Variants in KLHDC4 observed in about 807,000 individuals in gnomAD.
KLHDC4 encodes the protein kelch domain containing 4, also known as kelch domain-containing protein 4.
Under a neutral mutation model 62.4 loss-of-function variants are expected in KLHDC4, and 90 were observed. The ratio of observed to expected loss-of-function variants is 1.44; its 90% confidence interval spans 1.22 to 1.72. The LOEUF (loss-of-function observed/expected upper bound fraction) is 1.72. Among genes scored for constraint, KLHDC4 ranks in the 40% most tolerant of loss-of-function variants. KLHDC4 has a pLI of 0.00. For missense variants in KLHDC4, 1,025 were observed against 699.7 expected (o/e 1.47, Z -5.25); for synonymous variants, 386 against 284.4 (o/e 1.36, Z -3.59).
intron 5 of KLHDC4, among the ~76,000 whole-genome samples, chr16:87,746,811 A>G (rs2043107495): frequency 6.6e-6 from 1 of 152,246 alleles, no homozygotes; most frequent in Non-Finnish European, 1.5e-5. Context: ...CTATTAAAAA[A>G]AGTCTAATAG....
intron 5 of KLHDC4, among the ~76,000 whole-genome samples, chr16:87,741,443 G>A (rs12596601): frequency 6.6e-6 from 1 of 152,178 alleles, no homozygotes; most frequent in African/African-American, 2.4e-5. Flanking sequence ...TGAGAACCCT[G>A]TTGTGGGCTG....
At chr16:87,754,598 A>G (rs1169277456) in intron 4 of KLHDC4, among the ~76,000 whole-genome samples, 1 of 152,162 alleles carries the variant, frequency 6.6e-6, no homozygotes, top group Non-Finnish European at 1.5e-5. Flanking sequence ...AGAGGCAGGC[A>G]CTCATTCAAA....
At position 87,726,876 on chromosome 16, in the gene KLHDC4, G is replaced by T. The variant is rs1395398338; in HGVS notation, c.648C>A (p.Phe216Leu). The change falls in exon 7 of 12, where the codon TTC (phenylalanine) becomes TTA (leucine). Residue 216 changes from phenylalanine (F) to leucine (L), a missense_variant. Transcript: ENST00000270583. Reference sequence around the variant, plus strand: ...CTGACGGGGACAGCTTGCTCCATGTGAAGGTGTCCAGATTAAAGGCATACA... The same window carrying T: ...CTGACGGGGACAGCTTGCTCCATGTTAAGGTGTCCAGATTAAAGGCATACA... Reference protein sequence around the residue: ...NDVYAFNLDTFTWSKLSPSGT... With the variant: ...NDVYAFNLDTLTWSKLSPSGT... 10 of 1,613,916 alleles carry T rather than the reference G, an allele frequency of 6.2e-6. No individual in the cohort carries two copies. The highest frequency in any genetic ancestry group is 8.5e-6 in the Non-Finnish European group (10 of 1,179,900).
At chr16:87,749,763 A>G (rs904834156) in intron 4 of KLHDC4, among the ~76,000 whole-genome samples, 2 of 151,990 alleles carry the variant, frequency 1.3e-5, no homozygotes, top group Non-Finnish European at 2.9e-5. Context: ...AATTTTTTGC[A>G]GCAATGGCGT....
intron 9 of KLHDC4, chr16:87,710,488 G>A (rs944415962): frequency 6.6e-6 from 1 of 152,220 alleles, no homozygotes; most frequent in Admixed American, 6.5e-5. Flanking sequence ...TAATCCTGGG[G>A]AATGTCAACG....
chr16:87,708,715 C>G (rs939453639), intron 10 of KLHDC4, among the ~76,000 whole-genome samples: 4 of 152,238 alleles, frequency 2.6e-5, no homozygotes, highest in African/African-American at 9.6e-5. Context: ...GGCTGGCCAA[C>G]GGGGCCTCCT....
At chr16:87,709,143 C>T (rs2035261043) in intron 10 of KLHDC4, 122 bp downstream of exon 10, 10 of 1,260,718 alleles carry the variant, frequency 7.9e-6, no homozygotes, top group African/African-American at 6.0e-5. Flanking sequence ...GGCAGGAGCA[C>T]AGGCGAGAAG....
intron 2 of KLHDC4, 63 bp from the exon 3 acceptor site, chr16:87,756,540 C>G: frequency 8.4e-7 from 1 of 1,185,550 alleles, no homozygotes; most frequent in East Asian, 2.4e-5. Context: ...AGCGCTGTCC[C>G]CTTCCTCACA....
intron 8 of KLHDC4, among the ~76,000 whole-genome samples, chr16:87,712,545 G>C (rs561019596): frequency 3.3e-5 from 5 of 152,238 alleles, no homozygotes; most frequent in Non-Finnish European, 7.3e-5. Flanking sequence ...ACAGGCTCAG[G>C]GCCGCCCTGC....
rs1002440351 is a variant in KLHDC4 at position 87,765,934 on chromosome 16, G to C, written c.-44C>G. The C allele has an allele frequency of 4.6e-6, 7 of 1,530,288 alleles. No homozygotes were observed. The African/African-American group carries it at 5.5e-5, about 12-fold the overall frequency. 94.8% of individuals were successfully genotyped at this position (1,530,288 alleles called of 1,614,324 possible). A position where few individuals can be genotyped will look rare whatever the true frequency, so the allele number is the denominator to read the frequency against. On this transcript the variant is annotated 5_prime_UTR_variant, in exon 1 of 12. Coordinates refer to ENST00000270583, the MANE Select transcript of KLHDC4 (RefSeq NM_017566.4). ...GCGACGGGACACCAGGAAAGAAAAC[G>C]GCCCGCGCTCTCCGCTCGGAAACAG...
intron 10 of KLHDC4, among the ~76,000 whole-genome samples, 153 bp downstream of exon 10, chr16:87,709,112 C>G (rs1449425438): frequency 6.6e-6 from 1 of 152,266 alleles, no homozygotes; most frequent in African/African-American, 2.4e-5. Flanking sequence ...GGGTCCTGTT[C>G]TCCGTCAATC....
intron 4 of KLHDC4, among the ~76,000 whole-genome samples, chr16:87,752,796 G>A (rs904704298): frequency 2.0e-5 from 3 of 152,182 alleles, no homozygotes; most frequent in African/African-American, 7.2e-5. Context: ...AAATAAATAT[G>A]ACTCAAGGGA....
chr16:87,711,303 C>G lies in KLHDC4; in HGVS notation c.976G>C (p.Gly326Arg). The G allele has an allele frequency of 6.2e-7, 1 of 1,614,122 alleles. No homozygotes were observed. Among genetic ancestry groups the G allele is most frequent in the Non-Finnish European group, 8.5e-7 (1 of 1,180,048 alleles). ...CDEEEEESLS[G>R]EFFNDLYFYD... The stretch of plus-strand genomic sequence containing the variant: ...AAGTACAGATCGTTGAAGAACTCGC[C>G]CGACAGGCTCTCCTCCTCTTCCTCG... Residue 326 changes from glycine to arginine, a missense_variant, in exon 9 of 12, where the codon GGC becomes CGC. Physicochemically the swap from Gly to Arg is moderately radical, Grantham distance 125 (BLOSUM62 -2). Coordinates refer to ENST00000270583, the MANE Select transcript of KLHDC4 (RefSeq NM_017566.4).
chr16:87,711,978 G>A (rs185891638), intron 8 of KLHDC4, among the ~76,000 whole-genome samples: 5 of 150,566 alleles, frequency 3.3e-5, no homozygotes, highest in Admixed American at 1.3e-4. Flanking sequence ...CCTTCGCCCA[G>A]GGGGCTGAAT....
At chr16:87,713,772 GT>G in intron 8 of KLHDC4, among the ~76,000 whole-genome samples, 1 of 152,324 alleles carries the variant, frequency 6.6e-6, no homozygotes, top group East Asian at 1.9e-4. Context: ...GTAAAGGGCT[GT>G]CCCCTAGGTC....
intron 5 of KLHDC4, among the ~76,000 whole-genome samples, chr16:87,734,301 G>C (rs142882525): frequency 2.7e-4 from 41 of 152,126 alleles, no homozygotes; most frequent in African/African-American, 9.4e-4. Flanking sequence ...CCGACACTGC[G>C]CCACTGCACT....
chr16:87,728,886 T>A (rs909511285), intron 6 of KLHDC4, among the ~76,000 whole-genome samples: 1 of 152,156 alleles, frequency 6.6e-6, no homozygotes, highest in African/African-American at 2.4e-5. Flanking sequence ...GCGATTCTCT[T>A]GTATCAGCCT....
At chr16:87,705,821 C>G (rs1266694113), downstream of KLHDC4, among the ~76,000 whole-genome samples, 1 of 152,260 alleles carries the variant, frequency 6.6e-6, no homozygotes. Flanking sequence ...GCGCTGCTGC[C>G]TGCGCTCTGG....
chr16:87,757,106 T>C (rs1356995132), intron 2 of KLHDC4, among the ~76,000 whole-genome samples: 1 of 151,816 alleles, frequency 6.6e-6, no homozygotes, highest in Admixed American at 6.6e-5. Context: ...TGAGCCACCG[T>C]GCCTGGACCT....
Sources: allele counts gnomAD v4.1 joint callset (sites outside exome capture counted in the v4.1 genomes callset), GRCh38; gene constraint gnomAD v4.1.1; transcripts MANE v1.5; gene names NCBI Gene and HGNC (gene_info 2026-07-23, HGNC 2026-07-21).